Variants in ZNF618 observed in about 807,000 individuals in gnomAD.
ZNF618 encodes zinc finger protein 618, also known as neural precursor cell expressed, developmentally down-regulated 10.
In ZNF618, 34 loss-of-function variants were observed where a neutral mutation model predicts 103.0. That is an observed-to-expected ratio of 0.33 (90% CI 0.25 to 0.44). The LOEUF is 0.44. Among genes scored for constraint, ZNF618 ranks in the 20% least tolerant of loss-of-function variants. The pLI, the probability that ZNF618 is intolerant of heterozygous loss-of-function variation, is 1.00. For synonymous variants in ZNF618, 551 were observed against 542.2 expected (o/e 1.02, Z -0.23); for missense variants, 1,059 against 1,295.4 (o/e 0.82, Z 2.80).
At chr9:113,931,393 T>C (rs1243133241) in intron 1 of ZNF618, among the ~76,000 whole-genome samples, 1 of 152,192 alleles carries the variant, frequency 6.6e-6, no homozygotes, top group Non-Finnish European at 1.5e-5. Flanking sequence ...AGGGACAGCA[T>C]GTGCCCCAGG....
chr9:113,944,166 A>G (rs1293996460), intron 1 of ZNF618, among the ~76,000 whole-genome samples: 1 of 152,192 alleles, frequency 6.6e-6, no homozygotes, highest in Non-Finnish European at 1.5e-5. Context: ...AGAGGGCCAG[A>G]TAAATACACT....
chr9:113,995,465 G>T (rs1840480337), intron 3 of ZNF618, among the ~76,000 whole-genome samples: 1 of 152,064 alleles, frequency 6.6e-6, no homozygotes, highest in Non-Finnish European at 1.5e-5. Flanking sequence ...ATTTCTTATT[G>T]CTAGAAGGAG....
At chr9:113,963,354 T>G (rs1837045179) in intron 1 of ZNF618, among the ~76,000 whole-genome samples, 1 of 152,262 alleles carries the variant, frequency 6.6e-6, no homozygotes, top group Non-Finnish European at 1.5e-5. Flanking sequence ...ATATGTATTA[T>G]GGTGTCGTAT....
intron 12 of ZNF618, 89 bp from the exon 13 acceptor site, chr9:114,036,211 G>T (rs1844586033): frequency 3.2e-6 from 4 of 1,246,766 alleles, no homozygotes; most frequent in Non-Finnish European, 4.6e-6. Context: ...TGTGTGTTTG[G>T]GTTCCCACTT....
In ZNF618 at chr9:114,032,692, T is replaced by G. The variant is rs1322495917; in HGVS notation, c.1132T>G (p.Phe378Val). ...AGTAGAAGGCAAAGCACAAAACCAC[T>G]TTGAAGAGACGAACAGCAGTTCGCA... ...RRVEGKAQNHFEETNSSSQNS... is the reference protein window; with the variant it reads ...RRVEGKAQNHVEETNSSSQNS... The change falls in exon 12 of 15, where the codon TTT becomes GTT. Residue 378 changes from phenylalanine to valine, a missense_variant. Coordinates refer to ENST00000374126, the MANE Select transcript of ZNF618 (RefSeq NM_001318042.2). 6.2e-7 allele frequency: 1 copy of G among 1,613,982 alleles called. No homozygotes were observed. The highest frequency in any genetic ancestry group is 1.7e-5 in the Admixed American group (1 of 60,024).
chr9:114,015,051 G>A (rs574626657), intron 9 of ZNF618, among the ~76,000 whole-genome samples: 3 of 151,964 alleles, frequency 2.0e-5, no homozygotes, highest in African/African-American at 7.3e-5. Flanking sequence ...AGACAAACAA[G>A]GTTGTATAGA....
chr9:114,038,011 C>G (rs995298587), intron 13 of ZNF618, among the ~76,000 whole-genome samples: 3 of 152,190 alleles, frequency 2.0e-5, no homozygotes, highest in Admixed American at 1.3e-4. Flanking sequence ...CTTCCCGCCC[C>G]CTGCTTTCCT....
At chr9:114,029,854 G>T (rs1009249885) in intron 11 of ZNF618, among the ~76,000 whole-genome samples, 2 of 152,170 alleles carry the variant, frequency 1.3e-5, no homozygotes, top group African/African-American at 4.8e-5. Context: ...ACAATAAAAA[G>T]TTCCGAGAAG....
intron 1 of ZNF618, among the ~76,000 whole-genome samples, chr9:113,925,673 T>A (rs908785547): frequency 5.8e-4 from 88 of 152,206 alleles, no homozygotes; most frequent in Admixed American, 3.2e-3. Context: ...AATTATTTTT[T>A]AAAAATAGTG....
chr9:114,041,760 T>G (rs1271277516), intron 13 of ZNF618, among the ~76,000 whole-genome samples: 1 of 152,132 alleles, frequency 6.6e-6, no homozygotes, highest in Admixed American at 6.5e-5. Flanking sequence ...AGTCAGGTAG[T>G]GTGAGGCCTC....
intron 1 of ZNF618, among the ~76,000 whole-genome samples, chr9:113,954,612 T>C (rs1836082100): frequency 6.6e-6 from 1 of 152,182 alleles, no homozygotes; most frequent in African/African-American, 2.4e-5. Flanking sequence ...TTTGGTTAGC[T>C]CTGCAGGGCA....
chr9:114,013,046 A>G (rs565983861), intron 9 of ZNF618, among the ~76,000 whole-genome samples: 29 of 152,200 alleles, frequency 1.9e-4, no homozygotes, highest in Non-Finnish European at 2.1e-4. Context: ...TTACCTATAC[A>G]TGAATTCAAG....
intron 1 of ZNF618, among the ~76,000 whole-genome samples, chr9:113,936,734 GTT>G (rs1191227741): frequency 6.6e-6 from 1 of 152,138 alleles, no homozygotes; most frequent in Non-Finnish European, 1.5e-5. Flanking sequence ...CTTGGTCATT[GTT>G]TTACTTTCTG....
intron 1 of ZNF618, among the ~76,000 whole-genome samples, chr9:113,889,350 T>TCTCTATCTCTCTCCCTCCCTCCCTCC: frequency 6.7e-6 from 1 of 148,464 alleles, no homozygotes; most frequent in Non-Finnish European, 1.5e-5. Context: ...TCTCTCTTTC[T>TCTCTATCTCTCTCCCTCCCTCCCTCC]CTCCCTCCCT....
At chr9:114,006,484 A>G (rs989424153) in intron 6 of ZNF618, among the ~76,000 whole-genome samples, 5 of 152,170 alleles carry the variant, frequency 3.3e-5, no homozygotes, top group African/African-American at 2.4e-5. Flanking sequence ...AGAGTGTGCC[A>G]TTGTGGAGGG....
intron 5 of ZNF618, 44 bp from the exon 6 acceptor site, chr9:114,002,580 G>C: frequency 6.3e-7 from 1 of 1,598,260 alleles, no homozygotes; most frequent in Non-Finnish European, 8.5e-7. Flanking sequence ...CCCTGTCATT[G>C]GCCCGGTAGC....
At chr9:114,027,145 C>T (rs1254076527) in intron 10 of ZNF618, among the ~76,000 whole-genome samples, 1 of 152,188 alleles carries the variant, frequency 6.6e-6, no homozygotes, top group Non-Finnish European at 1.5e-5. Flanking sequence ...CAAGCAATCA[C>T]CTGGTGGGAC....
chr9:113,932,336 G>A (rs1265178640), intron 1 of ZNF618, among the ~76,000 whole-genome samples: 1 of 152,146 alleles, frequency 6.6e-6, no homozygotes, highest in Non-Finnish European at 1.5e-5. Flanking sequence ...AGATGAGGGG[G>A]TGCGGCTGGT....
chr9:114,033,065 A>G (rs1462036320), intron 12 of ZNF618, among the ~76,000 whole-genome samples: 1 of 152,174 alleles, frequency 6.6e-6, no homozygotes, highest in Non-Finnish European at 1.5e-5. Context: ...TTTTTAGGGT[A>G]GATGTCTCAG....
Sources: gnomAD v4.1 joint callset for allele counts (sites outside exome capture counted in the v4.1 genomes callset) on GRCh38, gnomAD v4.1.1 for gene constraint, MANE v1.5 for transcripts, NCBI Gene and HGNC (gene_info 2026-07-23, HGNC 2026-07-21) for gene names.